The following LINGO2 variants were observed in gnomAD, a reference collection of about 807,000 sequenced individuals.
The protein encoded by LINGO2 is leucine rich repeat and Ig domain containing 2, also known as leucine-rich repeat and immunoglobulin-like domain-containing nogo receptor-interacting protein 2.
In LINGO2, 14 loss-of-function variants were observed where a neutral mutation model predicts 30.6. That is an observed-to-expected ratio of 0.46 (90% CI 0.30 to 0.72). The LOEUF is 0.72. LINGO2 is among the 30% of genes least tolerant of loss of function. The pLI, the probability that LINGO2 is intolerant of heterozygous loss-of-function variation, is 0.07. For synonymous variants in LINGO2, 317 were observed against 288.5 expected, an observed-to-expected ratio of 1.10 and a Z score of -1.00; for missense variants, 729 against 751.7, an observed-to-expected ratio of 0.97 and a Z score of 0.35.
At chr9:28,491,998 A>G (rs1261242473) in intron 1 of LINGO2, among the ~76,000 whole-genome samples, 1 of 152,234 alleles carries the variant, frequency 6.6e-6, no homozygotes, top group Non-Finnish European at 1.5e-5. Context: ...TATTATAAAG[A>G]GGAGATAGAT....
chr9:28,131,616 G>C (rs1015269673), intron 4 of LINGO2, among the ~76,000 whole-genome samples: 3 of 152,118 alleles, frequency 2.0e-5, no homozygotes, highest in Non-Finnish European at 2.9e-5. Flanking sequence ...GTAGAGTTTA[G>C]CTGGTAATTT....
the LINGO2 span, among the ~76,000 whole-genome samples, chr9:29,160,521 T>C: frequency 2.0e-5 from 3 of 152,208 alleles, no homozygotes; most frequent in Non-Finnish European, 4.4e-5. Context: ...CTCATAGTAT[T>C]AGAGTATTAG....
At chr9:28,519,662 T>C (rs1820757631) in intron 1 of LINGO2, among the ~76,000 whole-genome samples, 1 of 152,208 alleles carries the variant, frequency 6.6e-6, no homozygotes, top group Admixed American at 6.5e-5. Flanking sequence ...AAATGTTACC[T>C]GCACTATACA....
intron 1 of LINGO2, among the ~76,000 whole-genome samples, chr9:28,503,334 G>A (rs896015635): frequency 6.6e-6 from 1 of 151,998 alleles, no homozygotes; most frequent in African/African-American, 2.4e-5. Context: ...CATTATAGTT[G>A]ATGAAGGCAA....
At chr9:28,945,199 A>G in the LINGO2 span, among the ~76,000 whole-genome samples, 1 of 152,184 alleles carries the variant, frequency 6.6e-6, no homozygotes, top group African/African-American at 2.4e-5. Flanking sequence ...CTATAAATCT[A>G]TTTGTATTAA....
chr9:28,252,211 A>G (rs1219262534), intron 4 of LINGO2, among the ~76,000 whole-genome samples: 1 of 152,102 alleles, frequency 6.6e-6, no homozygotes, highest in Non-Finnish European at 1.5e-5. Flanking sequence ...TGAAGGTTAA[A>G]AATCATAGTA....
chr9:28,602,557 G>A (rs939242560), intron 1 of LINGO2, among the ~76,000 whole-genome samples: 6 of 151,792 alleles, frequency 4.0e-5, no homozygotes, highest in African/African-American at 7.3e-5. Context: ...TCTTAAAACC[G>A]CCTATGCATT....
intron 1 of LINGO2, among the ~76,000 whole-genome samples, chr9:28,504,382 T>C (rs1015748452): frequency 4.0e-5 from 6 of 151,850 alleles, no homozygotes; most frequent in African/African-American, 1.4e-4. Flanking sequence ...CAACTTGTCA[T>C]GGTATATAAA....
At chr9:28,692,190 T>A in the LINGO2 span, among the ~76,000 whole-genome samples, 1 of 152,124 alleles carries the variant, frequency 6.6e-6, no homozygotes, top group Non-Finnish European at 1.5e-5. Context: ...AAGTGGCAAT[T>A]TCGGCCGGGC....
At chr9:29,068,254 C>A in the LINGO2 span, among the ~76,000 whole-genome samples, 1 of 151,758 alleles carries the variant, frequency 6.6e-6, no homozygotes, top group East Asian at 1.9e-4. Context: ...ATGAGAGGTA[C>A]AGAGATATAT....
chr9:29,123,912 T>A, the LINGO2 span, among the ~76,000 whole-genome samples: 1 of 152,062 alleles, frequency 6.6e-6, no homozygotes, highest in African/African-American at 2.4e-5. Context: ...TAGCCATTAT[T>A]TAAACAAAGT....
intron 2 of LINGO2, among the ~76,000 whole-genome samples, chr9:28,379,702 G>A (rs1821269845): frequency 1.3e-5 from 2 of 152,078 alleles, no homozygotes; most frequent in African/African-American, 2.4e-5. Context: ...GGTAGGAAAT[G>A]AACCTGCTTT....
At chr9:28,929,921 C>G in the LINGO2 span, among the ~76,000 whole-genome samples, 1 of 152,288 alleles carries the variant, frequency 6.6e-6, no homozygotes, top group Non-Finnish European at 1.5e-5. Context: ...ATTTCCTTAA[C>G]ACCTTTCTGA....
rs76741555 is a variant in LINGO2, at chr9:28,658,245, T to C, written c.-365+11955A>G. On this transcript the variant is annotated intron_variant, in intron 1 of 5. Coordinates refer to ENST00000379992, the Ensembl canonical transcript of LINGO2. Reference sequence around the variant, plus strand: ...CTATTGTTGGGCAGTGTTCTATATATGACTGTTAAGTCACATTGGTGTATA... The same window carrying C: ...CTATTGTTGGGCAGTGTTCTATATACGACTGTTAAGTCACATTGGTGTATA... 8.6e-3 allele frequency among the ~76,000 whole-genome samples: 1,312 copies of C among 152,206 alleles called. 27 individuals carry two copies. Among genetic ancestry groups the C allele is most frequent in the East Asian group, 0.08 (414 of 5,166 alleles).
At chr9:29,003,383 C>T in the LINGO2 span, among the ~76,000 whole-genome samples, 2 of 151,930 alleles carry the variant, frequency 1.3e-5, no homozygotes, top group Non-Finnish European at 2.9e-5. Flanking sequence ...GATTAAGTGA[C>T]TATCATTATC....
intron 1 of LINGO2, among the ~76,000 whole-genome samples, chr9:28,577,218 G>T (rs10812847): frequency 0.56 from 84,594 of 151,976 alleles, 24,333 homozygotes; most frequent in East Asian, 0.69. Flanking sequence ...TGTTCCAGAG[G>T]TCATAAGATT....
chr9:28,333,300 G>C (rs1587482746), intron 3 of LINGO2, among the ~76,000 whole-genome samples: 1 of 152,154 alleles, frequency 6.6e-6, no homozygotes, highest in Non-Finnish European at 1.5e-5. Context: ...TTGCTGTAAA[G>C]CTTCTTTAAA....
At chr9:28,212,004 A>C (rs189919275) in intron 4 of LINGO2, among the ~76,000 whole-genome samples, 4 of 151,476 alleles carry the variant, frequency 2.6e-5, no homozygotes, top group Non-Finnish European at 5.9e-5. Context: ...TTAGACTTTA[A>C]CTGGAGTTTA....
chr9:28,462,210 T>C (rs1003970184), intron 2 of LINGO2, among the ~76,000 whole-genome samples: 1 of 152,056 alleles, frequency 6.6e-6, no homozygotes, highest in Non-Finnish European at 1.5e-5. Context: ...GAGAGAACAG[T>C]CATTTAGCTG....
Sources: allele counts gnomAD v4.1 joint callset (sites outside exome capture counted in the v4.1 genomes callset), GRCh38; gene constraint gnomAD v4.1.1; transcripts MANE v1.5; gene names NCBI Gene and HGNC (gene_info 2026-07-23, HGNC 2026-07-21).